The following NRXN3 variants were observed in gnomAD, a reference collection of about 807,000 sequenced individuals.
NRXN3 encodes the protein neurexin III.
Under a neutral mutation model 137.6 loss-of-function variants are expected in NRXN3, and 32 were observed. The ratio of observed to expected loss-of-function variants is 0.23; its 90% CI spans 0.18 to 0.31. NRXN3 has a LOEUF of 0.31. Ranked by LOEUF, NRXN3 falls within the 10% of genes least tolerant of loss-of-function variation. The pLI is 1.00. For synonymous variants in NRXN3, 798 were observed against 784.5 expected (o/e 1.02, Z -0.29); for missense variants, 1,574 against 2,062.5 (o/e 0.76, Z 4.59).
chr14:78,762,128 G>T (rs2098694337), intron 8 of NRXN3, among the ~76,000 whole-genome samples: 1 of 152,034 alleles, frequency 6.6e-6, no homozygotes, highest in Non-Finnish European at 1.5e-5. Flanking sequence ...GATTAGCAGT[G>T]ATTCACAAAG....
chr14:79,262,773 G>A (rs182185092), intron 15 of NRXN3, among the ~76,000 whole-genome samples: 1 of 152,272 alleles, frequency 6.6e-6, no homozygotes, highest in East Asian at 1.9e-4. Flanking sequence ...TGCATTTCAG[G>A]GAAGGCAAAT....
At chr14:79,539,175 T>G (rs1400913786) in intron 16 of NRXN3, among the ~76,000 whole-genome samples, 2 of 151,922 alleles carry the variant, frequency 1.3e-5, no homozygotes, top group Non-Finnish European at 2.9e-5. Context: ...ATTACAGGCA[T>G]GCACCACCAC....
intron 15 of NRXN3, among the ~76,000 whole-genome samples, chr14:79,397,636 G>A (rs2095064889): frequency 6.6e-6 from 1 of 152,190 alleles, no homozygotes; most frequent in African/African-American, 2.4e-5. Context: ...CAATGGTCTT[G>A]TTTAATTTGA....
At chr14:78,267,934 A>G (rs1218875434) in intron 2 of NRXN3, among the ~76,000 whole-genome samples, 3 of 152,194 alleles carry the variant, frequency 2.0e-5, no homozygotes, top group South Asian at 2.1e-4. Flanking sequence ...CACCTGGTCA[A>G]TAAATGTTAG....
At chr14:78,987,954 A>C in intron 14 of NRXN3, 68 bp from the exon 15 acceptor site, 1 of 1,522,050 alleles carries the variant, frequency 6.6e-7, no homozygotes, top group Non-Finnish European at 8.9e-7. Context: ...GATTTCCTTG[A>C]ATCTAATTTT....
At chr14:78,651,494 TA>T (rs2097742760) in intron 6 of NRXN3, among the ~76,000 whole-genome samples, 168 bp downstream of exon 6, 1 of 152,238 alleles carries the variant, frequency 6.6e-6, no homozygotes. Context: ...CATTCCCGCT[TA>T]AGCTGGTTGC....
At chr14:78,303,873 A>T (rs2077108389) in intron 4 of NRXN3, among the ~76,000 whole-genome samples, 1 of 151,940 alleles carries the variant, frequency 6.6e-6, no homozygotes, top group African/African-American at 2.4e-5. Flanking sequence ...CCACTCCCCA[A>T]CACCTGTCCC....
intron 15 of NRXN3, among the ~76,000 whole-genome samples, chr14:79,225,262 A>C (rs1487148728): frequency 6.6e-6 from 1 of 152,124 alleles, no homozygotes; most frequent in African/African-American, 2.4e-5. Flanking sequence ...CTGTTTGAAA[A>C]AATCCCTTAC....
In NRXN3 at chr14:78,709,395, G is replaced by A. The variant is rs746783604; in HGVS notation, c.1400G>A (p.Arg467His). 14 of 1,613,992 alleles carry A rather than the reference G, an allele frequency of 8.7e-6. No homozygotes were observed. Among genetic ancestry groups the A allele is most frequent in the Admixed American group, 3.3e-5 (2 of 59,990 alleles). The part of the protein sequence containing the change: ...YISLPKWNTK[R>H]MGSISFDFRT... ...AGCTTGCCCAAGTGGAACACTAAAC[G>A]TATGGGCTCCATCTCCTTTGACTTC... Residue 467 changes from arginine to histidine, a missense_variant, in exon 7 of 21, where the codon CGT becomes CAT. Transcript: ENST00000335750.
chr14:78,807,996 C>A (rs934396639), intron 9 of NRXN3, among the ~76,000 whole-genome samples: 1 of 151,754 alleles, frequency 6.6e-6, no homozygotes, highest in South Asian at 2.1e-4. Context: ...TAAAAAACCA[C>A]ATATATAAAT....
chr14:79,590,320 T>C (rs1033522599), intron 16 of NRXN3, among the ~76,000 whole-genome samples: 1 of 150,076 alleles, frequency 6.7e-6, no homozygotes, highest in African/African-American at 2.5e-5. Flanking sequence ...CTGCCATCCA[T>C]GTAAAATGTG....
intron 16 of NRXN3, among the ~76,000 whole-genome samples, chr14:79,593,580 A>G (rs188780): frequency 0.49 from 71,781 of 147,876 alleles, 19,748 homozygotes; most frequent in African/African-American, 0.75. Flanking sequence ...GCAGTGAGCC[A>G]AGATGGCGCC....
intron 17 of NRXN3, among the ~76,000 whole-genome samples, chr14:79,664,270 T>C (rs113696883): frequency 4.7e-4 from 71 of 152,170 alleles, no homozygotes; most frequent in African/African-American, 1.7e-3. Flanking sequence ...ATCATCTCTA[T>C]CATGAGCTAG....
chr14:78,926,471 T>A (rs1597453323), intron 10 of NRXN3, among the ~76,000 whole-genome samples: 2 of 149,028 alleles, frequency 1.3e-5, no homozygotes, highest in South Asian at 2.1e-4. Flanking sequence ...CCAAGTGCAG[T>A]GGCTCACACC....
intron 10 of NRXN3, among the ~76,000 whole-genome samples, chr14:78,840,491 G>A (rs1472647083): frequency 6.6e-6 from 1 of 152,206 alleles, no homozygotes; most frequent in African/African-American, 2.4e-5. Flanking sequence ...GTTAGGCTGT[G>A]TTGTGGTAAC....
chr14:79,511,482 A>G (rs983432152), intron 16 of NRXN3, among the ~76,000 whole-genome samples: 1 of 152,196 alleles, frequency 6.6e-6, no homozygotes, highest in African/African-American at 2.4e-5. Context: ...CCAGCTATCT[A>G]ATGCTGTCAG....
intron 15 of NRXN3, among the ~76,000 whole-genome samples, chr14:79,192,359 A>T (rs2064480344): frequency 6.6e-6 from 1 of 152,216 alleles, no homozygotes; most frequent in Non-Finnish European, 1.5e-5. Flanking sequence ...TTCAACCTAT[A>T]GTCAATCATC....
At chr14:78,325,052 A>G (rs1366773811) in intron 4 of NRXN3, among the ~76,000 whole-genome samples, 1 of 152,062 alleles carries the variant, frequency 6.6e-6, no homozygotes, top group African/African-American at 2.4e-5. Flanking sequence ...CGAGGCAGGT[A>G]GGAACAATGC....
intron 10 of NRXN3, among the ~76,000 whole-genome samples, chr14:78,878,287 T>G (rs2099118643): frequency 6.6e-6 from 1 of 152,288 alleles, no homozygotes; most frequent in Admixed American, 6.5e-5. Flanking sequence ...TAAACTTACT[T>G]TTCTTCACTA....
Sources: gnomAD v4.1 joint callset for allele counts (sites outside exome capture counted in the v4.1 genomes callset) on GRCh38, gnomAD v4.1.1 for gene constraint, MANE v1.5 for transcripts, NCBI Gene and HGNC (gene_info 2026-07-23, HGNC 2026-07-21) for gene names.